The following NDRG4 variants were observed in gnomAD, a reference collection of about 807,000 sequenced individuals.
NDRG4 encodes NDRG family member 4, also known as protein NDRG4.
A neutral mutation model predicts 55.8 loss-of-function variants in NDRG4; 38 were observed. The observed-to-expected ratio is 0.68, with a 90% confidence interval of 0.53 to 0.89. The LOEUF is 0.89. NDRG4 is among the 40% of genes least tolerant of loss of function. The pLI, the probability that NDRG4 is intolerant of heterozygous loss-of-function variation, is 0.00. For missense variants in NDRG4, 455 were observed against 468.6 expected, an observed-to-expected ratio of 0.97 and a Z score of 0.27; for synonymous variants, 190 against 182.7, an observed-to-expected ratio of 1.04 and a Z score of -0.32.
intron 1 of NDRG4, among the ~76,000 whole-genome samples, chr16:58,479,062 T>C (rs1451641633): frequency 6.6e-6 from 1 of 152,150 alleles, no homozygotes; most frequent in African/African-American, 2.4e-5. Context: ...AGAATCTCAC[T>C]GTGTTGCCCA....
At chr16:58,478,118 T>C (rs931893390) in intron 1 of NDRG4, among the ~76,000 whole-genome samples, 4 of 152,146 alleles carry the variant, frequency 2.6e-5, no homozygotes, top group African/African-American at 9.7e-5. Flanking sequence ...TGGCCGGGTG[T>C]GGTGGCTCAC....
intron 5 of NDRG4, among the ~76,000 whole-genome samples, chr16:58,505,357 AAAAAAAT>A (rs952534940): frequency 1.4e-4 from 21 of 149,416 alleles, no homozygotes; most frequent in African/African-American, 4.9e-4. Flanking sequence ...TCAAAAAAAT[AAAAAAAT>A]AAAAAAAATC....
rs1199301074 is a variant in NDRG4 at position 58,504,255 on chromosome 16, G to T, written c.229G>T (p.Ala77Ser). 1 of 1,614,164 alleles carries T rather than the reference G, an allele frequency of 6.2e-7. No homozygotes were observed. The highest frequency in any genetic ancestry group is 8.5e-7 in the Non-Finnish European group (1 of 1,180,010). The change falls in exon 3 of 15, where the codon GCG becomes TCG. Residue 77 changes from alanine to serine, a missense_variant. Coordinates refer to ENST00000570248, the MANE Select transcript of NDRG4 (RefSeq NM_001242835.2). ...GGATGCCCCTGGACAACAGGTGGGG[G>T]CGTCGCAGTTTCCTCAGGGGTAGGT... ...HVDAPGQQVG[A>S]SQFPQGYQFP... is the part of the protein sequence containing the mutation.
chr16:58,487,148 A>G (rs922677494), intron 1 of NDRG4, among the ~76,000 whole-genome samples: 1 of 152,176 alleles, frequency 6.6e-6, no homozygotes, highest in Non-Finnish European at 1.5e-5. Context: ...TTCTCAATAA[A>G]GGCAGAATGT....
chr16:58,483,945 C>A (rs1198166151), intron 1 of NDRG4, among the ~76,000 whole-genome samples: 7 of 152,140 alleles, frequency 4.6e-5, no homozygotes, highest in African/African-American at 1.4e-4. Context: ...TGGCACACAC[C>A]TGTGGTCCCA....
intron 14 of NDRG4, 80 bp downstream of exon 14, chr16:58,510,763 A>T: frequency 7.6e-7 from 1 of 1,314,010 alleles, no homozygotes; most frequent in Non-Finnish European, 1.1e-6. Context: ...AGTGTGCTGC[A>T]GCCAGGCCGC....
chr16:58,506,387 C>G lies in NDRG4; in HGVS notation c.373C>G (p.Leu125Val), dbSNP rs1181286162. ...AGAYVLAKFALIFPDLVEGLV... is the reference protein window; with the variant it reads ...AGAYVLAKFAVIFPDLVEGLV... Reference sequence around the variant, plus strand: ...GGCCCTGTTTCCCCTCTTACTGCAGCTCATCTTCCCCGACCTGGTGGAGGG... The same window carrying G: ...GGCCCTGTTTCCCCTCTTACTGCAGGTCATCTTCCCCGACCTGGTGGAGGG... Residue 125 changes from leucine (L) to valine (V), a missense_variant and splice_region_variant, in exon 6 of 15, where the codon CTC (leucine) becomes GTC (valine). Leu to Val is a conservative substitution (Grantham distance 32, BLOSUM62 1). Transcript: ENST00000570248. The G allele has an allele frequency of 1.9e-6, 3 of 1,613,786 alleles. No homozygotes were observed. Among genetic ancestry groups the G allele is most frequent in the Non-Finnish European group, 2.5e-6 (3 of 1,180,000 alleles).
intron 1 of NDRG4, among the ~76,000 whole-genome samples, chr16:58,476,957 G>A (rs1386040671): frequency 5.9e-5 from 9 of 151,976 alleles, no homozygotes; most frequent in Non-Finnish European, 1.0e-4. Context: ...TACTTTATAT[G>A]TATCCCAGGA....
rs74019887 is a variant in NDRG4, at chr16:58,478,478, C to T, written c.-23-9278C>T. 5.0e-3 allele frequency among the ~76,000 whole-genome samples: 764 copies of T among 151,782 alleles called. 4 individuals carry two copies. The highest frequency in any genetic ancestry group is 0.018 in the African/African-American group (728 of 41,374). ...CCAAGGAGGACATACCAACTAAATA[C>T]GATGTGGCATCCTGGGTTGGGTCCT... On this transcript the variant is annotated intron_variant, in intron 1 of 15. Coordinates refer to the NDRG4 transcript ENST00000258187.
At chr16:58,470,976 C>T (rs1263639616) in intron 1 of NDRG4, among the ~76,000 whole-genome samples, 4 of 149,796 alleles carry the variant, frequency 2.7e-5, no homozygotes, top group Non-Finnish European at 4.4e-5. Flanking sequence ...GATATGATTG[C>T]TTCAGCAAGA....
intron 1 of NDRG4, among the ~76,000 whole-genome samples, chr16:58,485,199 A>G (rs1264174363): frequency 6.6e-6 from 1 of 152,166 alleles, no homozygotes; most frequent in Non-Finnish European, 1.5e-5. Flanking sequence ...TTTCTTTAGA[A>G]GAAACTTCTC....
chr16:58,505,774 T>C (rs2037885116), intron 5 of NDRG4, among the ~76,000 whole-genome samples: 2 of 128,900 alleles, frequency 1.6e-5, no homozygotes, highest in African/African-American at 6.0e-5. Flanking sequence ...CAGGCTGGAG[T>C]GCAGTGGCAT....
chr16:58,501,156 C>T lies in NDRG4; in HGVS notation c.21+887C>T, dbSNP rs1001694652. The T allele has an allele frequency of 2.8e-5, 28 of 1,007,406 alleles. No individual in the cohort carries two copies. In the African/African-American group the frequency reaches 4.7e-4, roughly 17 times the overall value. The allele number at this position is 1,007,406 out of a possible 1,614,324, so 62.4% of individuals were successfully genotyped here. ...CACCCCCGGGCCCCACACGCCTGCC[C>T]TGCCGGTTCCGCAGACGATAGGTCA... is the stretch of plus-strand genomic sequence containing the variant. On this transcript the variant is annotated intron_variant, in intron 1 of 14. Transcript: ENST00000570248.
chr16:58,492,550 G>GAC (rs1651569949), intron 2 of NDRG4, among the ~76,000 whole-genome samples: 1 of 111,732 alleles, frequency 8.9e-6, no homozygotes, highest in African/African-American at 3.3e-5. Flanking sequence ...GTGTGTGTGT[G>GAC]TGAGAGACAG....
chr16:58,501,983 C>T (rs1410455143), intron 1 of NDRG4: 1 of 455,954 alleles, frequency 2.2e-6, no homozygotes, highest in East Asian at 7.0e-5. Context: ...CCCCACCCTC[C>T]AGAGCTGAGA....
intron 8 of NDRG4, 57 bp downstream of exon 8, chr16:58,507,072 C>A: frequency 1.5e-6 from 2 of 1,358,042 alleles, no homozygotes; most frequent in Non-Finnish European, 2.1e-6. Context: ...GGCCCTTGCA[C>A]ACTGCCCCCT....
Position 58,507,985 on chromosome 16 carries a change from G to T in NDRG4, c.715G>T (p.Ala239Ser), listed in dbSNP as rs149936678. The T allele has an allele frequency of 6.3e-7, 1 of 1,581,398 alleles. No homozygotes were observed. The highest frequency in any genetic ancestry group is 8.6e-7 in the Non-Finnish European group (1 of 1,160,846). The change falls in exon 10 of 15, where the codon GCT becomes TCT. Residue 239 changes from alanine to serine, a missense_variant. Physicochemically the swap from Ala to Ser is moderately conservative, Grantham distance 99. Transcript: ENST00000570248. ...VMLVVGDNAP[A>S]EDGVVECNSK... is the part of the protein sequence containing the mutation. ...GCTGGTGGTTGGGGATAATGCACCC[G>T]CTGAGGACGGGGTGGTAAGTGAGGG...
In NDRG4 at chr16:58,512,628, C is replaced by A. The variant is rs142142881; in HGVS notation, c.*1052C>A. 97 of 157,010 alleles carry A rather than the reference C, an allele frequency of 6.2e-4. 1 individual carries two copies. The highest frequency in any genetic ancestry group is 1.2e-3 in the Non-Finnish European group (84 of 70,800). The allele number at this position is 157,010 out of a possible 1,614,324, so 9.7% of individuals were successfully genotyped here. On this transcript the variant is annotated 3_prime_UTR_variant, in exon 15 of 15. Transcript: ENST00000570248. ...GCGAGGCTTCTACAGTCCCACACCCCATAGCCGCCTGGGCTGGGGCTTACT... is the reference window on the plus strand; with the variant it reads ...GCGAGGCTTCTACAGTCCCACACCCAATAGCCGCCTGGGCTGGGGCTTACT...
intron 1 of NDRG4, among the ~76,000 whole-genome samples, chr16:58,482,127 A>G (rs1260013791): frequency 6.6e-6 from 1 of 151,938 alleles, no homozygotes; most frequent in Non-Finnish European, 1.5e-5. Flanking sequence ...TTCCTTTTCC[A>G]TGTTACGGAC....
Sources: allele counts gnomAD v4.1 joint callset (sites outside exome capture counted in the v4.1 genomes callset), GRCh38; gene constraint gnomAD v4.1.1; transcripts MANE v1.5; gene names NCBI Gene and HGNC (gene_info 2026-07-23, HGNC 2026-07-21).